The following GRM7 variants were observed in gnomAD, a reference collection of about 807,000 sequenced individuals.
The protein encoded by GRM7 is metabotropic glutamate receptor 7.
Under a neutral mutation model 84.5 loss-of-function variants are expected in GRM7, and 35 were observed. That is an observed-to-expected ratio of 0.41 (90% CI 0.32 to 0.55). GRM7 has a LOEUF of 0.55. Ranked by LOEUF, GRM7 falls within the 20% of genes least tolerant of loss-of-function variation. The pLI, the probability that GRM7 is intolerant of heterozygous loss-of-function variation, is 0.19. For missense variants in GRM7, 1,003 were observed against 1,194.6 expected (o/e 0.84, Z 2.36); for synonymous variants, 487 against 455.1 (o/e 1.07, Z -0.89).
At chr3:6,950,443 G>C (rs527966052) in intron 1 of GRM7, among the ~76,000 whole-genome samples, 6 of 152,172 alleles carry the variant, frequency 3.9e-5, no homozygotes, top group African/African-American at 1.2e-4. Context: ...GTACCCGGCC[G>C]TGTGAGGTGT....
Position 7,336,675 on chromosome 3 carries a change from G to C in GRM7, c.1033+30023G>C, listed in dbSNP as rs144785552. On this transcript the variant is annotated intron_variant, in intron 4 of 9. Transcript: ENST00000357716. ...TCTCATCCAAAAATCTCCTAGATCTGACAAATGAATTCAGTAAAGTTTCAG... is the reference window on the plus strand; with the variant it reads ...TCTCATCCAAAAATCTCCTAGATCTCACAAATGAATTCAGTAAAGTTTCAG... Among the ~76,000 whole-genome samples the C allele has an allele frequency of 2.2e-4, 34 of 152,000 alleles. No homozygotes were observed. The East Asian group carries it at 6.4e-3, about 29-fold the overall frequency.
intron 9 of GRM7, chr3:7,681,554 A>G (rs1700368104): frequency 6.6e-6 from 1 of 152,240 alleles, no homozygotes; most frequent in African/African-American, 2.4e-5. Flanking sequence ...TGTGGGCTCC[A>G]GTTTGACTTT....
At chr3:7,333,492 C>T (rs1474031578) in intron 4 of GRM7, among the ~76,000 whole-genome samples, 1 of 152,114 alleles carries the variant, frequency 6.6e-6, no homozygotes, top group Non-Finnish European at 1.5e-5. Flanking sequence ...AACAGCAGTC[C>T]TTGAGTTACA....
intron 4 of GRM7, among the ~76,000 whole-genome samples, chr3:7,321,993 AC>A (rs1366572556): frequency 1.3e-5 from 2 of 151,990 alleles, no homozygotes; most frequent in African/African-American, 4.8e-5. Flanking sequence ...TCCAAGAAAA[AC>A]CCCAGAATAT....
At chr3:7,025,317 G>A (rs778222361) in intron 1 of GRM7, among the ~76,000 whole-genome samples, 1 of 152,160 alleles carries the variant, frequency 6.6e-6, no homozygotes, top group Non-Finnish European at 1.5e-5. Flanking sequence ...TTAGGATGTG[G>A]ACATCTCTGG....
intron 1 of GRM7, among the ~76,000 whole-genome samples, chr3:6,876,832 C>A (rs1695324369): frequency 6.6e-6 from 1 of 152,064 alleles, no homozygotes; most frequent in Non-Finnish European, 1.5e-5. Context: ...AAACTCCTGA[C>A]CTCAGATGAT....
At chr3:6,949,781 C>T (rs1692648131) in intron 1 of GRM7, among the ~76,000 whole-genome samples, 1 of 152,144 alleles carries the variant, frequency 6.6e-6, no homozygotes, top group Admixed American at 6.5e-5. Context: ...CTCTAAACTT[C>T]TTTTCACACT....
chr3:7,244,628 A>G (rs1214090128), intron 2 of GRM7, among the ~76,000 whole-genome samples: 1 of 152,080 alleles, frequency 6.6e-6, no homozygotes, highest in African/African-American at 2.4e-5. Context: ...TAAGGGTAAA[A>G]TGAACTCTGA....
At chr3:7,521,286 C>T (rs1401324967) in intron 7 of GRM7, among the ~76,000 whole-genome samples, 1 of 152,158 alleles carries the variant, frequency 6.6e-6, no homozygotes, top group Non-Finnish European at 1.5e-5. Flanking sequence ...AACCGCAGTT[C>T]TTGGTCATTG....
chr3:7,373,705 A>G (rs950761824), intron 4 of GRM7, among the ~76,000 whole-genome samples: 3 of 152,180 alleles, frequency 2.0e-5, no homozygotes, highest in Non-Finnish European at 4.4e-5. Context: ...GTGACAGAAA[A>G]TTCTGCTCCA....
intron 4 of GRM7, among the ~76,000 whole-genome samples, chr3:7,342,468 A>G (rs1692687684): frequency 6.6e-6 from 1 of 152,168 alleles, no homozygotes; most frequent in Non-Finnish European, 1.5e-5. Context: ...TTGGCTTCAG[A>G]GTTCCTCTCA....
At chr3:7,713,135 T>TTGTTTTTG (rs1701647797) in intron 9 of GRM7, among the ~76,000 whole-genome samples, 2 of 128,508 alleles carry the variant, frequency 1.6e-5, no homozygotes, top group African/African-American at 5.6e-5. Flanking sequence ...TTTTTTTTTT[T>TTGTTTTTG]TTTTTTTTTT....
chr3:7,012,186 C>T lies in GRM7; in HGVS notation c.520-134266C>T, dbSNP rs182490743. On this transcript the variant is annotated intron_variant, in intron 1 of 9. Transcript: ENST00000357716. ...CCAGGAGAATCCTGTACATGAGTGA[C>T]GCCAGCCAAGTAAAGAGGATAGGAA... Among the ~76,000 whole-genome samples the T allele has an allele frequency of 2.0e-5, 3 of 152,128 alleles. No individual in the cohort carries two copies. In the East Asian group the frequency reaches 5.8e-4, roughly 29 times the overall value.
At chr3:7,060,383 C>T (rs1697395042) in intron 1 of GRM7, among the ~76,000 whole-genome samples, 1 of 151,730 alleles carries the variant, frequency 6.6e-6, no homozygotes. Flanking sequence ...TTTTCACTGA[C>T]TGAGTAGGGG....
At chr3:7,679,693 C>T (rs1700284214) in intron 8 of GRM7, among the ~76,000 whole-genome samples, 1 of 152,134 alleles carries the variant, frequency 6.6e-6, no homozygotes. Flanking sequence ...AAGATAAAAC[C>T]TAACCACACC....
In GRM7 at chr3:7,206,765, C is replaced by T. The variant is rs977472426; in HGVS notation, c.736+60097C>T. 1.6e-4 allele frequency among the ~76,000 whole-genome samples: 24 copies of T among 152,092 alleles called. 1 individual carries two copies. The highest frequency in any genetic ancestry group is 5.3e-4 in the African/African-American group (22 of 41,422). ...TTATTATCATGTGACTATAATTGGT[C>T]TTAAGAACAAGGTGATGTAAAGGAA... On this transcript the variant is annotated intron_variant, in intron 2 of 9. Coordinates refer to ENST00000357716, the MANE Select transcript of GRM7 (RefSeq NM_000844.4).
chr3:7,674,821 A>T (rs1376328119), intron 8 of GRM7, among the ~76,000 whole-genome samples: 1 of 152,222 alleles, frequency 6.6e-6, no homozygotes, highest in Non-Finnish European at 1.5e-5. Flanking sequence ...AAAATGGCGA[A>T]CTTAGTGTGC....
At chr3:7,385,379 C>G (rs1694746865) in intron 4 of GRM7, among the ~76,000 whole-genome samples, 1 of 142,126 alleles carries the variant, frequency 7.0e-6, no homozygotes, top group Admixed American at 7.7e-5. Flanking sequence ...TGGCTCACTG[C>G]AAGCTCTGCC....
At chr3:7,718,507 T>G (rs977895205) in intron 9 of GRM7, among the ~76,000 whole-genome samples, 3 of 152,106 alleles carry the variant, frequency 2.0e-5, no homozygotes, top group Non-Finnish European at 4.4e-5. Flanking sequence ...GACTTGGAAA[T>G]ACGGCATTAA....
Sources: gnomAD v4.1 joint callset for allele counts (sites outside exome capture counted in the v4.1 genomes callset) on GRCh38, gnomAD v4.1.1 for gene constraint, MANE v1.5 for transcripts, NCBI Gene and HGNC (gene_info 2026-07-23, HGNC 2026-07-21) for gene names.